The following GRM3 variants were observed in gnomAD, a reference collection of about 807,000 sequenced individuals.
The protein encoded by GRM3 is glutamate metabotropic receptor 3, also known as metabotropic glutamate receptor 3.
Under a neutral mutation model 70.5 loss-of-function variants are expected in GRM3, and 26 were observed. That is an observed-to-expected ratio of 0.37 (90% CI 0.27 to 0.51). GRM3 has a LOEUF of 0.51. Among genes scored for constraint, GRM3 ranks in the 20% least tolerant of loss-of-function variants. GRM3 has a pLI of 0.93. For synonymous variants in GRM3, 443 were observed against 434.9 expected, an observed-to-expected ratio of 1.02 and a Z score of -0.23; for missense variants, 859 against 1,123.8, an observed-to-expected ratio of 0.76 and a Z score of 3.37.
chr7:86,731,272 G>A (rs1336183896), intron 1 of GRM3, among the ~76,000 whole-genome samples: 1 of 152,070 alleles, frequency 6.6e-6, no homozygotes, highest in Admixed American at 6.6e-5. Context: ...ACTTTTAGTA[G>A]TTCTTTCTTT....
intron 3 of GRM3, among the ~76,000 whole-genome samples, chr7:86,826,746 A>C (rs1196252398): frequency 6.6e-6 from 1 of 152,182 alleles, no homozygotes; most frequent in East Asian, 1.9e-4. Context: ...CAACTTCAGC[A>C]CTATTGACAT....
At chr7:86,669,326 A>T (rs1794111771) in intron 1 of GRM3, among the ~76,000 whole-genome samples, 1 of 152,204 alleles carries the variant, frequency 6.6e-6, no homozygotes, top group African/African-American at 2.4e-5. Flanking sequence ...GAAACACTAC[A>T]CTAAGAACTA....
Position 86,673,992 on chromosome 7 carries a change from C to T in GRM3, c.-141+29120C>T, listed in dbSNP as rs929662846. On this transcript the variant is annotated intron_variant, in intron 1 of 5. Transcript: ENST00000361669. The stretch of plus-strand genomic sequence containing the variant: ...AGCAGGCTCCTAACTTATCTGCCTG[C>T]ACTAAAGTCCTGTTCCCATCTAAAA... 4.6e-5 allele frequency among the ~76,000 whole-genome samples: 7 copies of T among 152,306 alleles called. No individual in the cohort carries two copies. The East Asian group carries it at 1.3e-3, about 29-fold the overall frequency.
intron 2 of GRM3, among the ~76,000 whole-genome samples, chr7:86,780,959 C>T (rs1395384724): frequency 1.3e-5 from 2 of 152,134 alleles, no homozygotes; most frequent in African/African-American, 4.8e-5. Context: ...GAGAGGAATC[C>T]ATTACGAGCT....
rs138040251 is a variant in GRM3 at position 86,666,045 on chromosome 7, G to A, written c.-141+21173G>A. 8.9e-3 allele frequency among the ~76,000 whole-genome samples: 1,348 copies of A among 152,128 alleles called. 9 individuals are homozygous for A. The highest frequency in any genetic ancestry group is 0.021 in the South Asian group (99 of 4,824). On this transcript the variant is annotated intron_variant, in intron 1 of 5. Coordinates refer to ENST00000361669, the MANE Select transcript of GRM3 (RefSeq NM_000840.3). ...GTAATCATAACTTTCTGAGAGTCATGAAGTTAGAAATAAGATGTTAATCTT... is the reference window on the plus strand; with the variant it reads ...GTAATCATAACTTTCTGAGAGTCATAAAGTTAGAAATAAGATGTTAATCTT...
chr7:86,647,891 T>G (rs1793514110), intron 1 of GRM3, among the ~76,000 whole-genome samples: 1 of 152,216 alleles, frequency 6.6e-6, no homozygotes, highest in Non-Finnish European at 1.5e-5. Context: ...TAATGACTTC[T>G]TCCAGAGTCT....
intron 1 of GRM3, among the ~76,000 whole-genome samples, chr7:86,698,142 A>G (rs1794860293): frequency 6.6e-6 from 1 of 152,094 alleles, no homozygotes; most frequent in Non-Finnish European, 1.5e-5. Context: ...TATAGCAGCA[A>G]ACATTCCAAT....
chr7:86,686,764 C>T (rs935122341), intron 1 of GRM3, among the ~76,000 whole-genome samples: 1 of 151,982 alleles, frequency 6.6e-6, no homozygotes, highest in African/African-American at 2.4e-5. Flanking sequence ...AAAACAAGCT[C>T]ATCAGCAAAT....
At chr7:86,681,916 C>T (rs1440420613) in intron 1 of GRM3, among the ~76,000 whole-genome samples, 1 of 152,150 alleles carries the variant, frequency 6.6e-6, no homozygotes, top group Non-Finnish European at 1.5e-5. Flanking sequence ...ATATTCACAT[C>T]CCTGTGTTAG....
At chr7:86,861,736 A>C (rs894350473) in intron 5 of GRM3, among the ~76,000 whole-genome samples, 1 of 152,248 alleles carries the variant, frequency 6.6e-6, no homozygotes. Context: ...AAAGGGGGAC[A>C]TGGTCCAAAT....
intron 3 of GRM3, among the ~76,000 whole-genome samples, chr7:86,814,187 T>C (rs1053824549): frequency 4.6e-5 from 7 of 151,996 alleles, no homozygotes; most frequent in Non-Finnish European, 1.5e-5. Context: ...CTCCTGTATA[T>C]GCAGTCTCCA....
intron 1 of GRM3, among the ~76,000 whole-genome samples, chr7:86,656,047 C>G (rs1415336852): frequency 1.3e-5 from 2 of 152,018 alleles, no homozygotes; most frequent in African/African-American, 4.8e-5. Flanking sequence ...GGTTTGATTC[C>G]TTTCAGTAGT....
intron 1 of GRM3, among the ~76,000 whole-genome samples, chr7:86,706,119 G>A (rs1369839782): frequency 1.3e-5 from 2 of 148,650 alleles, no homozygotes; most frequent in Non-Finnish European, 1.5e-5. Flanking sequence ...AAATTACTAA[G>A]AGACACAATT....
intron 3 of GRM3, among the ~76,000 whole-genome samples, chr7:86,818,103 T>G (rs902687642): frequency 2.0e-5 from 3 of 152,040 alleles, no homozygotes; most frequent in African/African-American, 7.2e-5. Flanking sequence ...ACGATCCATC[T>G]ATAGAAATCC....
intron 1 of GRM3, among the ~76,000 whole-genome samples, chr7:86,707,585 T>A (rs943178719): frequency 3.3e-5 from 5 of 152,104 alleles, no homozygotes; most frequent in African/African-American, 1.2e-4. Context: ...TATGTACTCC[T>A]GTCAGGGTTG....
intron 1 of GRM3, among the ~76,000 whole-genome samples, chr7:86,732,549 T>C (rs1472061552): frequency 6.6e-6 from 1 of 152,288 alleles, no homozygotes; most frequent in Non-Finnish European, 1.5e-5. Flanking sequence ...AAAACAATAA[T>C]AACAGCTAAT....
At chr7:86,862,657 C>T (rs1225049572) in intron 5 of GRM3, among the ~76,000 whole-genome samples, 10 of 152,118 alleles carry the variant, frequency 6.6e-5, no homozygotes, top group Non-Finnish European at 1.5e-4. Context: ...GGTAGCCACA[C>T]AAACTTGACT....
rs1307618655 is a variant in GRM3, at chr7:86,643,996, TCTC to T, written c.-1013_-1011del. ...TCCCTCTCTGCTCCCGCTCTCCTAA[TCTC>T]CTCTGGCATGCGGTCAGCCCCCTGC... On this transcript the variant is annotated 5_prime_UTR_variant, in exon 1 of 6. Coordinates refer to ENST00000361669, the MANE Select transcript of GRM3 (RefSeq NM_000840.3). 1.3e-5 allele frequency: 2 copies of T among 152,812 alleles called. No homozygotes were observed. Among genetic ancestry groups the T allele is most frequent in the African/African-American group, 2.4e-5 (1 of 41,378 alleles). 9.5% of individuals were successfully genotyped at this position (152,812 alleles called of 1,614,324 possible).
chr7:86,765,580 C>T lies in GRM3; in HGVS notation c.435C>T (p.Val145=), dbSNP rs1376649637. ...QENIPLLIAG[V]IGGSYSSVSI... is the part of the protein sequence containing the mutation. ...ACATCCCACTTCTCATTGCAGGGGT[C>T]ATTGGTGGCTCTTATAGCAGTGTTT... The change falls in exon 2 of 6, where the codon GTC becomes GTT. Residue 145 remains valine, a synonymous_variant. Coordinates refer to ENST00000361669, the MANE Select transcript of GRM3 (RefSeq NM_000840.3). 1.2e-6 allele frequency: 2 copies of T among 1,613,356 alleles called. No individual in the cohort carries two copies. The highest frequency in any genetic ancestry group is 2.2e-5 in the East Asian group (1 of 44,842).
Sources: allele counts gnomAD v4.1 joint callset (sites outside exome capture counted in the v4.1 genomes callset), GRCh38; gene constraint gnomAD v4.1.1; transcripts MANE v1.5; gene names NCBI Gene and HGNC (gene_info 2026-07-23, HGNC 2026-07-21).